SYTL4: variants seen among roughly 807,000 people sequenced by gnomAD.
SYTL4 encodes synaptotagmin-like protein 4.
SYTL4 carries 16 observed loss-of-function variants against 52.7 expected under a neutral mutation model. The ratio of observed to expected loss-of-function variants is 0.30; its 90% CI spans 0.21 to 0.46. The LOEUF (loss-of-function observed/expected upper bound fraction) is 0.46. Among genes scored for constraint, SYTL4 ranks in the 20% least tolerant of loss-of-function variants. The pLI, the probability that SYTL4 is intolerant of heterozygous loss-of-function variation, is 1.00. For missense variants in SYTL4, 423 were observed against 519.9 expected, an observed-to-expected ratio of 0.81 and a Z score of 1.81; for synonymous variants, 160 against 186.6, an observed-to-expected ratio of 0.86 and a Z score of 1.16.
intron 16 of SYTL4, among the ~76,000 whole-genome samples, chrX:100,684,416 A>G (rs1465159291): frequency 8.9e-6 from 1 of 111,961 alleles, no homozygotes; most frequent in Non-Finnish European, 1.9e-5. Flanking sequence ...ATATTACAGC[A>G]TAGTTTTAAG....
intron 12 of SYTL4, 48 bp downstream of exon 12, chrX:100,689,808 A>G: frequency 1.1e-6 from 1 of 911,728 alleles, no homozygotes; most frequent in East Asian, 3.1e-5. Flanking sequence ...CCAACTCCAG[A>G]TAAGTAAAAT....
At chrX:100,718,191 A>T (rs1770387216) in intron 2 of SYTL4, among the ~76,000 whole-genome samples, 1 of 111,444 alleles carries the variant, frequency 9.0e-6, no homozygotes, top group African/African-American at 3.3e-5. Flanking sequence ...AAAATATATG[A>T]GCATATGGCA....
chrX:100,723,071 A>G (rs1345737884), intron 2 of SYTL4, among the ~76,000 whole-genome samples: 2 of 112,020 alleles, frequency 1.8e-5, no homozygotes, highest in African/African-American at 3.2e-5. Context: ...AAGAACATAA[A>G]CATCCATCAA....
intron 8 of SYTL4, among the ~76,000 whole-genome samples, chrX:100,699,482 CTTTTTTTTTTTTTT>C (rs1181762978): frequency 1.7e-5 from 1 of 59,892 alleles, no homozygotes; most frequent in Non-Finnish European, 2.7e-5. Context: ...CAGCATTACT[CTTTTTTTTTTTTTT>C]TTTTTTTTTT....
In SYTL4 at chrX:100,678,609, G is replaced by A. The variant is rs371958919; in HGVS notation, c.1659-10C>T. ...CATGGGAAGGAGGTATCTGGCAGAG[G>A]GCGGGGAGTAATCAACAGCCTACTC... On this transcript the variant is annotated splice_polypyrimidine_tract_variant and intron_variant, in intron 18 of 19. Transcript: ENST00000372989. The A allele has an allele frequency of 6.7e-6, 8 of 1,191,404 alleles. No individual in the cohort carries two copies. Among genetic ancestry groups the A allele is most frequent in the Non-Finnish European group, 9.1e-6 (8 of 878,840 alleles).
intron 9 of SYTL4, 92 bp from the exon 10 acceptor site, chrX:100,690,730 C>T (rs1193452731): frequency 4.2e-5 from 28 of 667,317 alleles, no homozygotes; most frequent in Non-Finnish European, 5.8e-5. Context: ...GAGCCAATGG[C>T]TTGGGTCATC....
At chrX:100,697,067 T>C (rs766676520) in intron 8 of SYTL4, among the ~76,000 whole-genome samples, 3 of 111,973 alleles carry the variant, frequency 2.7e-5, no homozygotes, top group Non-Finnish European at 3.8e-5. Context: ...ATTAAGTGAG[T>C]GAGTAGTCAA....
chrX:100,719,094 C>A (rs762979942), intron 2 of SYTL4, among the ~76,000 whole-genome samples: 69 of 111,583 alleles, frequency 6.2e-4, no homozygotes, highest in Non-Finnish European at 1.1e-3. Flanking sequence ...TCTCACCTGG[C>A]CGGTTTTCAC....
chrX:100,678,745 A>C, intron 18 of SYTL4, 146 bp from the exon 19 acceptor site: 1 of 479,462 alleles, frequency 2.1e-6, no homozygotes, highest in Non-Finnish European at 3.6e-6. Context: ...GAATCTGCTG[A>C]AGCAGAGTTC....
Position 100,693,496 on chromosome X carries a change from G to A in SYTL4, c.540-2287C>T, listed in dbSNP as rs1030850990. 3.6e-5 allele frequency among the ~76,000 whole-genome samples: 4 copies of A among 111,975 alleles called. No homozygotes were observed. The East Asian group carries it at 8.4e-4, about 24-fold the overall frequency. Reference sequence around the variant, plus strand: ...TCAATGTATACCTAGACTCTGATACGTTCTCACTGCCTCCACTGCCATTAC... The same window carrying A: ...TCAATGTATACCTAGACTCTGATACATTCTCACTGCCTCCACTGCCATTAC... On this transcript the variant is annotated intron_variant, in intron 8 of 19. Transcript: ENST00000372989.
intron 8 of SYTL4, among the ~76,000 whole-genome samples, chrX:100,700,644 C>CA (rs1311956570): frequency 1.8e-5 from 2 of 111,619 alleles, no homozygotes; most frequent in Non-Finnish European, 3.8e-5. Context: ...GTATAAAGAA[C>CA]AAACTATTCA....
intron 15 of SYTL4, chrX:100,686,353 A>G (rs764494208): frequency 2.0e-5 from 8 of 404,490 alleles, no homozygotes; most frequent in Non-Finnish European, 3.3e-5. Flanking sequence ...CCATAGGAGG[A>G]CCTGGAAAAT....
chrX:100,698,244 A>T (rs1165013810), intron 8 of SYTL4, among the ~76,000 whole-genome samples: 2 of 109,788 alleles, frequency 1.8e-5, no homozygotes, highest in Non-Finnish European at 3.8e-5. Context: ...CTGGGACTAC[A>T]GGCGCCTGCC....
At chrX:100,706,602 A>T (rs1355931273) in intron 2 of SYTL4, among the ~76,000 whole-genome samples, 7 of 112,671 alleles carry the variant, frequency 6.2e-5, no homozygotes, top group African/African-American at 2.3e-4. Flanking sequence ...AAAAACTGAG[A>T]CAAAGAGAAA....
At chrX:100,687,349 CAGA>C (rs2083494717) in intron 13 of SYTL4, 104 bp from the exon 14 acceptor site, 1 of 722,385 alleles carries the variant, frequency 1.4e-6, no homozygotes, top group Non-Finnish European at 2.1e-6. Flanking sequence ...ACAGAAGTTT[CAGA>C]AGCCCCTGCA....
intron 4 of SYTL4, among the ~76,000 whole-genome samples, 178 bp from the exon 5 acceptor site, chrX:100,702,285 C>G (rs910992829): frequency 7.2e-5 from 8 of 111,739 alleles, no homozygotes; most frequent in African/African-American, 2.6e-4. Context: ...AATGAAGAGT[C>G]CTTGATTTTT....
chrX:100,686,248 G>T, intron 15 of SYTL4, 97 bp from the exon 16 acceptor site: 1 of 837,847 alleles, frequency 1.2e-6, no homozygotes, highest in Non-Finnish European at 1.6e-6. Flanking sequence ...GAAGTCACTA[G>T]TCCTGAATAC....
At chrX:100,704,061 C>A (rs769748773) in intron 3 of SYTL4, among the ~76,000 whole-genome samples, 2 of 112,407 alleles carry the variant, frequency 1.8e-5, no homozygotes, top group African/African-American at 3.2e-5. Context: ...TACAATACTG[C>A]AGCAAAAGAC....
intron 7 of SYTL4, 107 bp from the exon 8 acceptor site, chrX:100,701,106 G>A: frequency 1.1e-6 from 1 of 881,384 alleles, no homozygotes. Context: ...CAGAAGGGAT[G>A]ACAATACAAT....
Sources: allele counts gnomAD v4.1 joint callset (sites outside exome capture counted in the v4.1 genomes callset), GRCh38; gene constraint gnomAD v4.1.1; transcripts MANE v1.5; gene names NCBI Gene and HGNC (gene_info 2026-07-23, HGNC 2026-07-21).